The following EXOC2 variants were observed in gnomAD, a reference collection of about 807,000 sequenced individuals.
EXOC2 encodes exocyst complex component 2, also known as SEC5-like 1.
In EXOC2, 70 loss-of-function variants were observed where a neutral mutation model predicts 131.8. That is an observed-to-expected ratio of 0.53 (90% CI 0.44 to 0.65). The LOEUF is 0.65. Among genes scored for constraint, EXOC2 ranks in the 30% least tolerant of loss-of-function variants. The pLI is 0.00. For missense variants in EXOC2, 923 were observed against 1,108.6 expected, an observed-to-expected ratio of 0.83 and a Z score of 2.38; for synonymous variants, 411 against 398.4, an observed-to-expected ratio of 1.03 and a Z score of -0.38.
intron 10 of EXOC2, among the ~76,000 whole-genome samples, chr6:596,059 A>T (rs929263541): frequency 1.3e-5 from 2 of 152,002 alleles, no homozygotes; most frequent in Non-Finnish European, 2.9e-5. Flanking sequence ...TCACCTGTAC[A>T]ATGGGCACCG....
At chr6:596,881 A>G (rs1256591034) in intron 10 of EXOC2, among the ~76,000 whole-genome samples, 1 of 152,232 alleles carries the variant, frequency 6.6e-6, no homozygotes, top group East Asian at 1.9e-4. Context: ...GATATAAAAA[A>G]CTTAAAATTT....
chr6:666,290 T>G (rs1763641434), intron 1 of EXOC2, among the ~76,000 whole-genome samples: 1 of 152,224 alleles, frequency 6.6e-6, no homozygotes, highest in South Asian at 2.1e-4. Flanking sequence ...CTGGAATATA[T>G]CAAAAACTAG....
At chr6:640,307 C>T (rs78269718) in intron 1 of EXOC2, among the ~76,000 whole-genome samples, 3,634 of 152,110 alleles carry the variant, frequency 0.024, 162 homozygotes, top group African/African-American at 0.083. Flanking sequence ...GCTTCCTTAG[C>T]GCAGAATGTC....
chr6:557,386 G>A (rs1757468040), intron 17 of EXOC2, among the ~76,000 whole-genome samples: 5 of 152,136 alleles, frequency 3.3e-5, no homozygotes. Context: ...TTGGGAGGCT[G>A]CGGTGGGCGG....
intron 21 of EXOC2, 110 bp downstream of exon 21, chr6:553,744 G>T: frequency 1.2e-6 from 1 of 830,866 alleles, no homozygotes; most frequent in Non-Finnish European, 2.1e-6. Flanking sequence ...ACAGCACAGT[G>T]TCCTATACCA....
rs1355559660 is a variant in EXOC2 at position 666,661 on chromosome 6, A to G, written c.-44+26358T>C. Among the ~76,000 whole-genome samples, 2 of 96,490 alleles carry G rather than the reference A, an allele frequency of 2.1e-5. 1 individual carries two copies. The highest frequency in any genetic ancestry group is 6.2e-5 in the African/African-American group (2 of 32,500). 63.3% of individuals were successfully genotyped at this position (96,490 alleles called of 152,430 possible). A position where few individuals can be genotyped will look rare whatever the true frequency, so the allele number is the denominator to read the frequency against. Reference sequence around the variant, plus strand: ...TTAACATCTTGCATTAGTGTGGCACAGCTGTTACAACTGAGGAGCCAATAC... The same window carrying G: ...TTAACATCTTGCATTAGTGTGGCACGGCTGTTACAACTGAGGAGCCAATAC... On this transcript the variant is annotated intron_variant, in intron 1 of 27. Coordinates refer to ENST00000230449, the MANE Select transcript of EXOC2 (RefSeq NM_018303.6).
intron 23 of EXOC2, among the ~76,000 whole-genome samples, chr6:528,250 T>G (rs1765863448): frequency 6.6e-6 from 1 of 152,162 alleles, no homozygotes; most frequent in South Asian, 2.1e-4. Context: ...TATCGGAAAC[T>G]AAATTTATTG....
intron 12 of EXOC2, among the ~76,000 whole-genome samples, chr6:576,115 T>C (rs753122401): frequency 6.6e-6 from 1 of 152,220 alleles, no homozygotes; most frequent in Non-Finnish European, 1.5e-5. Flanking sequence ...TTTAATACAA[T>C]GTAAGGTATT....
chr6:603,827 C>T (rs1433608505), intron 7 of EXOC2, among the ~76,000 whole-genome samples: 1 of 152,164 alleles, frequency 6.6e-6, no homozygotes, highest in African/African-American at 2.4e-5. Context: ...ATCTGTGTTT[C>T]AAGATGTGTT....
intron 23 of EXOC2, among the ~76,000 whole-genome samples, chr6:502,176 C>A (rs1372367180): frequency 1.3e-5 from 2 of 152,114 alleles, no homozygotes; most frequent in East Asian, 3.9e-4. Flanking sequence ...AAAATCGAAG[C>A]ACAATAGTAA....
chr6:616,236 A>G (rs1429078211), intron 6 of EXOC2, among the ~76,000 whole-genome samples: 1 of 152,192 alleles, frequency 6.6e-6, no homozygotes, highest in Non-Finnish European at 1.5e-5. Flanking sequence ...AAGAAACATA[A>G]GGCACACATA....
chr6:578,297 T>C (rs1758694146), intron 11 of EXOC2, among the ~76,000 whole-genome samples: 1 of 152,328 alleles, frequency 6.6e-6, no homozygotes, highest in Admixed American at 6.5e-5. Context: ...ATTTAACAGG[T>C]ATTTATTGAG....
intron 6 of EXOC2, among the ~76,000 whole-genome samples, chr6:616,071 C>A (rs1760983463): frequency 6.6e-6 from 1 of 152,190 alleles, no homozygotes; most frequent in African/African-American, 2.4e-5. Flanking sequence ...CTTACCCGAG[C>A]AACTTTACAT....
At chr6:505,251 G>C (rs967835288) in intron 23 of EXOC2, among the ~76,000 whole-genome samples, 3 of 152,238 alleles carry the variant, frequency 2.0e-5, no homozygotes, top group African/African-American at 7.2e-5. Context: ...GTCCTTGGAA[G>C]TTAGAATTTC....
intron 1 of EXOC2, chr6:669,149 G>T (rs1320764658): frequency 4.6e-5 from 7 of 152,218 alleles, no homozygotes; most frequent in Admixed American, 4.6e-4. Context: ...TGGAGCTCAG[G>T]ATCTTCCTGC....
Position 635,275 on chromosome 6 carries a change from A to C in EXOC2, c.119-2158T>G, listed in dbSNP as rs561057608. 2.6e-5 allele frequency among the ~76,000 whole-genome samples: 4 copies of C among 152,358 alleles called. No homozygotes were observed. In the East Asian group the frequency reaches 7.7e-4, roughly 29 times the overall value. On this transcript the variant is annotated intron_variant, in intron 2 of 27. Coordinates refer to ENST00000230449, the MANE Select transcript of EXOC2 (RefSeq NM_018303.6). ...AGCAAATTTCAGATATAAAGTATTA[A>C]AACATGTTCACATGAGCAAACCTGA...
chr6:575,113 A>G (rs1463968877), intron 12 of EXOC2, among the ~76,000 whole-genome samples: 1 of 152,222 alleles, frequency 6.6e-6, no homozygotes, highest in Non-Finnish European at 1.5e-5. Context: ...GCCCCTCGTG[A>G]ATGGCTTGGT....
intron 23 of EXOC2, among the ~76,000 whole-genome samples, chr6:514,146 T>C (rs542844787): frequency 6.6e-6 from 1 of 152,362 alleles, no homozygotes; most frequent in African/African-American, 2.4e-5. Flanking sequence ...TGATAGGTCT[T>C]CTCTGCCTCT....
chr6:620,486 C>T (rs1172366867), intron 4 of EXOC2, among the ~76,000 whole-genome samples: 1 of 152,186 alleles, frequency 6.6e-6, no homozygotes, highest in African/African-American at 2.4e-5. Context: ...TCCCCTACCC[C>T]AAAACACTGG....
Sources: allele counts gnomAD v4.1 joint callset (sites outside exome capture counted in the v4.1 genomes callset), GRCh38; gene constraint gnomAD v4.1.1; transcripts MANE v1.5; gene names NCBI Gene and HGNC (gene_info 2026-07-23, HGNC 2026-07-21).